The following JAKMIP2 variants were observed in gnomAD, a reference collection of about 807,000 sequenced individuals.
The protein encoded by JAKMIP2 is janus kinase and microtubule-interacting protein 2.
Under a neutral mutation model 115.0 loss-of-function variants are expected in JAKMIP2, and 25 were observed. That is an observed-to-expected ratio of 0.22 (90% CI 0.16 to 0.30). The LOEUF is 0.30. JAKMIP2 is among the 10% of genes least tolerant of loss of function. The pLI is 1.00. For synonymous variants in JAKMIP2, 334 were observed against 343.6 expected (o/e 0.97, Z 0.31); for missense variants, 642 against 957.6 (o/e 0.67, Z 4.35).
At chr5:147,611,485 C>T (rs1414227629) in intron 20 of JAKMIP2, among the ~76,000 whole-genome samples, 1 of 152,202 alleles carries the variant, frequency 6.6e-6, no homozygotes, top group Non-Finnish European at 1.5e-5. Flanking sequence ...ACACCCCACC[C>T]TGCTTTGGCT....
intron 1 of JAKMIP2, among the ~76,000 whole-genome samples, chr5:147,773,558 C>A (rs181555836): frequency 9.1e-4 from 138 of 152,188 alleles, no homozygotes; most frequent in Non-Finnish European, 1.6e-3. Context: ...CTCGACTAAA[C>A]CATGTAGGCT....
At chr5:147,701,843 T>A (rs1378563714) in intron 1 of JAKMIP2, among the ~76,000 whole-genome samples, 1 of 152,188 alleles carries the variant, frequency 6.6e-6, no homozygotes, top group Non-Finnish European at 1.5e-5. Flanking sequence ...CTCAAAACTG[T>A]GAGCAATAAA....
intron 19 of JAKMIP2, among the ~76,000 whole-genome samples, chr5:147,616,477 C>A (rs905822870): frequency 1.3e-5 from 2 of 152,196 alleles, no homozygotes; most frequent in African/African-American, 4.8e-5. Flanking sequence ...AAATGGAATA[C>A]AGTTTTTATC....
At chr5:147,681,794 C>A (rs1388250181) in intron 1 of JAKMIP2, among the ~76,000 whole-genome samples, 1 of 152,064 alleles carries the variant, frequency 6.6e-6, no homozygotes, top group Non-Finnish European at 1.5e-5. Context: ...GTAATCCCAG[C>A]ACTTTGGGAG....
intron 1 of JAKMIP2, among the ~76,000 whole-genome samples, chr5:147,775,174 C>T (rs747323424): frequency 2.0e-4 from 30 of 152,128 alleles, no homozygotes; most frequent in Non-Finnish European, 1.8e-4. Context: ...AAGGCATGTC[C>T]GTGTGTCTGT....
chr5:147,630,017 C>G (rs1321489318), intron 14 of JAKMIP2, among the ~76,000 whole-genome samples: 2 of 152,092 alleles, frequency 1.3e-5, no homozygotes, highest in African/African-American at 4.8e-5. Flanking sequence ...TCAGGATAAA[C>G]AGACTGTGTA....
chr5:147,729,376 C>T (rs141886770), intron 1 of JAKMIP2, among the ~76,000 whole-genome samples: 107 of 152,274 alleles, frequency 7.0e-4, no homozygotes, highest in African/African-American at 2.5e-3. Context: ...CATCAGTAAA[C>T]CCTGGGTGTG....
intron 1 of JAKMIP2, among the ~76,000 whole-genome samples, chr5:147,689,244 G>A (rs1028628796): frequency 2.6e-4 from 40 of 152,248 alleles, no homozygotes; most frequent in African/African-American, 9.1e-4. Context: ...AGTAATGGGA[G>A]GGCAGTGTGT....
At chr5:147,679,646 G>A (rs889236678) in intron 1 of JAKMIP2, among the ~76,000 whole-genome samples, 2 of 152,192 alleles carry the variant, frequency 1.3e-5, no homozygotes, top group African/African-American at 2.4e-5. Flanking sequence ...TTAACTCATT[G>A]AACTATTCCA....
intron 1 of JAKMIP2, among the ~76,000 whole-genome samples, chr5:147,729,161 G>A (rs1246511690): frequency 7.9e-5 from 12 of 152,098 alleles, no homozygotes. Context: ...ATAGTGTTAG[G>A]ATGTCCCTGA....
At chr5:147,753,838 G>A (rs1441891302) in intron 1 of JAKMIP2, among the ~76,000 whole-genome samples, 1 of 144,352 alleles carries the variant, frequency 6.9e-6, no homozygotes, top group East Asian at 2.0e-4. Flanking sequence ...TGCTAAAGAT[G>A]TTTCTTATAA....
At chr5:147,713,059 C>A (rs1163254393) in intron 1 of JAKMIP2, among the ~76,000 whole-genome samples, 1 of 152,176 alleles carries the variant, frequency 6.6e-6, no homozygotes, top group Non-Finnish European at 1.5e-5. Flanking sequence ...AAATAAGCCA[C>A]ATCCTGAATA....
At chr5:147,699,115 C>G (rs1177969938) in intron 1 of JAKMIP2, among the ~76,000 whole-genome samples, 1 of 152,134 alleles carries the variant, frequency 6.6e-6, no homozygotes, top group African/African-American at 2.4e-5. Context: ...AAATATACAC[C>G]CATCTATTAT....
chr5:147,612,315 T>C lies in JAKMIP2; in HGVS notation c.2403A>G (p.Leu801=), dbSNP rs1367424066. Residue 801 remains leucine (L), a synonymous_variant, in exon 20 of 22, where the codon TTA becomes TTG. Transcript: ENST00000616793. ...TDIQKRQIKD[L]EEKFLFLFLF... ...TGAATTTGACACCTACCTTTTCTTC[T>C]AAGTCTTTTATTTGTCTTTTCTGGA... 1.9e-6 allele frequency: 3 copies of C among 1,541,052 alleles called. No homozygotes were observed. The highest frequency in any genetic ancestry group is 2.3e-5 in the South Asian group (2 of 88,496).
intron 1 of JAKMIP2, among the ~76,000 whole-genome samples, chr5:147,751,247 T>TTG (rs1754543348): frequency 7.2e-6 from 1 of 138,912 alleles, no homozygotes; most frequent in African/African-American, 2.9e-5. Context: ...AAGTTGTTTT[T>TTG]TTGTTGTTGT....
chr5:147,644,797 T>G, intron 6 of JAKMIP2, 53 bp downstream of exon 6: 1 of 1,480,346 alleles, frequency 6.8e-7, no homozygotes, highest in Admixed American at 2.0e-5. Flanking sequence ...AGTCAGGTTA[T>G]TAAGGTAATA....
intron 21 of JAKMIP2, among the ~76,000 whole-genome samples, chr5:147,599,985 T>C (rs1036372951): frequency 1.3e-5 from 2 of 152,186 alleles, no homozygotes; most frequent in Non-Finnish European, 2.9e-5. Flanking sequence ...CTATCCATTT[T>C]CTACCTAGTA....
At chr5:147,758,583 A>G (rs1026565807) in intron 1 of JAKMIP2, among the ~76,000 whole-genome samples, 1 of 152,136 alleles carries the variant, frequency 6.6e-6, no homozygotes, top group Admixed American at 6.6e-5. Flanking sequence ...TAAATCACAA[A>G]GAAAAAGTTC....
At chr5:147,756,654 G>A (rs115052829) in intron 1 of JAKMIP2, among the ~76,000 whole-genome samples, 2,653 of 152,204 alleles carry the variant, frequency 0.017, 95 homozygotes, top group African/African-American at 0.061. Context: ...GAAAAGGAGG[G>A]TGGATGGGTA....
Sources: allele counts gnomAD v4.1 joint callset (sites outside exome capture counted in the v4.1 genomes callset), GRCh38; gene constraint gnomAD v4.1.1; transcripts MANE v1.5; gene names NCBI Gene and HGNC (gene_info 2026-07-23, HGNC 2026-07-21).